PLEKHD1: variants seen among roughly 807,000 people sequenced by gnomAD.
The protein encoded by PLEKHD1 is pleckstrin homology domain-containing family D member 1.
PLEKHD1 carries 51 observed loss-of-function variants against 69.2 expected under a neutral mutation model. The ratio of observed to expected loss-of-function variants is 0.74; its 90% confidence interval spans 0.59 to 0.93. The LOEUF is 0.93. Among genes scored for constraint, PLEKHD1 ranks in the 40% least tolerant of loss-of-function variants. The pLI is 0.00. For missense variants in PLEKHD1, 584 were observed against 641.0 expected, an observed-to-expected ratio of 0.91 and a Z score of 0.96; for synonymous variants, 236 against 244.7, an observed-to-expected ratio of 0.96 and a Z score of 0.33.
At position 69,527,133 on chromosome 14, in the gene PLEKHD1, T is replaced by G. The variant is rs150171197; in HGVS notation, c.1057-55T>G. On this transcript the variant is annotated intron_variant, in intron 10 of 12. Coordinates refer to ENST00000322564, the MANE Select transcript of PLEKHD1 (RefSeq NM_001161498.2). ...GACCAAGGAAGGCTTCCAGGGAAGA[T>G]GGCAGCTACTTCCAGGACCTGACTT... 3.1e-5 allele frequency: 46 copies of G among 1,480,624 alleles called. No homozygotes were observed. The African/African-American group carries it at 6.2e-4, about 20-fold the overall frequency. 91.7% of individuals were successfully genotyped at this position (1,480,624 alleles called of 1,614,324 possible).
upstream of PLEKHD1, among the ~76,000 whole-genome samples, chr14:69,481,805 A>G (rs191585247): frequency 2.8e-4 from 43 of 152,278 alleles, no homozygotes; most frequent in Non-Finnish European, 1.5e-5. Flanking sequence ...TAGGGCACTT[A>G]GGGATCCTGA....
intron 1 of PLEKHD1, among the ~76,000 whole-genome samples, chr14:69,485,424 C>A (rs906565651): frequency 6.6e-6 from 1 of 152,196 alleles, no homozygotes; most frequent in African/African-American, 2.4e-5. Flanking sequence ...TCAGATCAGG[C>A]CAGACTGAGG....
chr14:69,507,660 T>A (rs1028232741), intron 6 of PLEKHD1, among the ~76,000 whole-genome samples: 31 of 152,270 alleles, frequency 2.0e-4, no homozygotes, highest in African/African-American at 7.0e-4. Context: ...CTCCACATCC[T>A]TGCCAGCATT....
At chr14:69,476,140 C>T in the PLEKHD1 span, among the ~76,000 whole-genome samples, 1 of 151,524 alleles carries the variant, frequency 6.6e-6, no homozygotes, top group Non-Finnish European at 1.5e-5. Flanking sequence ...TGCCTGTAAT[C>T]CCAACTATTC....
Position 69,528,332 on chromosome 14 carries a change from C to G in PLEKHD1, c.1434C>G (p.Ser478Arg). ...TAAAGGAGGTGGCCAAGCGGCTCAG[C>G]AGGGACCAGCGCTTCCGGGAATCCA... is the stretch of plus-strand genomic sequence containing the variant. ...EELKEVAKRL[S>R]RDQRFRESIY... is the part of the protein sequence containing the mutation. Residue 478 changes from serine to arginine, a missense_variant, in exon 13 of 13, where the codon AGC (serine) becomes AGG (arginine). Coordinates refer to ENST00000322564, the MANE Select transcript of PLEKHD1 (RefSeq NM_001161498.2). 2 of 1,551,740 alleles carry G rather than the reference C, an allele frequency of 1.3e-6. No individual in the cohort carries two copies. The highest frequency in any genetic ancestry group is 2.4e-5 in the East Asian group (1 of 40,922).
the PLEKHD1 span, among the ~76,000 whole-genome samples, chr14:69,470,980 G>A: frequency 2.9e-3 from 439 of 151,470 alleles, 3 homozygotes; most frequent in African/African-American, 0.01. Flanking sequence ...TTTAGTAGAG[G>A]CGGGGTTTCA....
intron 1 of PLEKHD1, among the ~76,000 whole-genome samples, chr14:69,489,398 A>G (rs1882723271): frequency 6.6e-6 from 1 of 151,926 alleles, no homozygotes. Flanking sequence ...GTCTCTACTA[A>G]AAATACAAAG....
chr14:69,491,877 A>T (rs1342935253), intron 1 of PLEKHD1, among the ~76,000 whole-genome samples: 1 of 152,218 alleles, frequency 6.6e-6, no homozygotes, highest in Non-Finnish European at 1.5e-5. Context: ...TCATCGTGTC[A>T]TCCCAGTTCC....
At chr14:69,473,710 T>A in the PLEKHD1 span, among the ~76,000 whole-genome samples, 1 of 152,066 alleles carries the variant, frequency 6.6e-6, no homozygotes, top group Non-Finnish European at 1.5e-5. Flanking sequence ...AATTGAGGAA[T>A]CCCGACAAAT....
At chr14:69,482,943 AAAAG>A (rs1352272410), upstream of PLEKHD1, among the ~76,000 whole-genome samples, 3 of 152,048 alleles carry the variant, frequency 2.0e-5, no homozygotes, top group Non-Finnish European at 2.9e-5. Context: ...AAAAAGAAAG[AAAAG>A]AAAAGCAGGG....
rs376537607 is a variant in PLEKHD1 at position 69,529,650 on chromosome 14, C to T, written c.*1231C>T. ...GCAGGGAGGCAGTGTTCCTGCTGGT[C>T]GAGAGATCACAGATATCTCCTTCCC... On this transcript the variant is annotated 3_prime_UTR_variant, in exon 13 of 13. Coordinates refer to ENST00000322564, the MANE Select transcript of PLEKHD1 (RefSeq NM_001161498.2). 4 of 152,136 alleles carry T rather than the reference C, an allele frequency of 2.6e-5. No individual in the cohort carries two copies. The highest frequency in any genetic ancestry group is 1.3e-4 in the Admixed American group (2 of 15,262). 9.4% of individuals were successfully genotyped at this position (152,136 alleles called of 1,614,324 possible). A position where few individuals can be genotyped will look rare whatever the true frequency, so the allele number is the denominator to read the frequency against.
intron 8 of PLEKHD1, 121 bp downstream of exon 8, chr14:69,524,443 G>A: frequency 1.2e-6 from 1 of 838,476 alleles, no homozygotes; most frequent in Non-Finnish European, 1.9e-6. Flanking sequence ...GGGCATGGAG[G>A]GGTGCTGATC....
At chr14:69,472,867 G>A in the PLEKHD1 span, among the ~76,000 whole-genome samples, 1 of 152,306 alleles carries the variant, frequency 6.6e-6, no homozygotes, top group South Asian at 2.1e-4. Flanking sequence ...TGAGCGGCAG[G>A]TGAAGAAGCA....
intron 5 of PLEKHD1, 59 bp from the exon 6 acceptor site, chr14:69,502,768 G>A (rs1883058557): frequency 1.3e-6 from 2 of 1,548,150 alleles, no homozygotes; most frequent in Non-Finnish European, 1.7e-6. Context: ...GCTCCCTCAG[G>A]ACCTCAGAGC....
upstream of PLEKHD1, chr14:69,484,658 C>CG (rs999625085): frequency 1.1e-4 from 31 of 269,594 alleles, no homozygotes; most frequent in East Asian, 1.5e-3. Context: ...GGGCTGTCGC[C>CG]GGGGGGGTGG....
chr14:69,498,117 C>T (rs910311930), intron 1 of PLEKHD1, among the ~76,000 whole-genome samples: 3 of 107,746 alleles, frequency 2.8e-5, no homozygotes, highest in Admixed American at 9.2e-5. Context: ...GAGAGTCTTG[C>T]TCTGTCACTC....
chr14:69,486,512 C>T (rs1882658539), intron 1 of PLEKHD1, among the ~76,000 whole-genome samples: 1 of 152,154 alleles, frequency 6.6e-6, no homozygotes, highest in Non-Finnish European at 1.5e-5. Flanking sequence ...GCTACAGCCC[C>T]CAGGGCCAGG....
chr14:69,504,365 C>A (rs114941956), intron 6 of PLEKHD1, among the ~76,000 whole-genome samples: 1 of 152,180 alleles, frequency 6.6e-6, no homozygotes, highest in Non-Finnish European at 1.5e-5. Flanking sequence ...CAGGGGCTAT[C>A]AGCCTTGGCT....
Position 69,526,083 on chromosome 14 carries a change from T to C in PLEKHD1, c.884T>C (p.Met295Thr). ...AACCTCCGGCAGATCGAGGAGAAGA[T>C]GCAGCAGCTCTTAGAGGAGAAGCTC... ...HSNLRQIEEKMQQLLEEKLLA... is the reference protein window; with the variant it reads ...HSNLRQIEEKTQQLLEEKLLA... Residue 295 changes from methionine (M) to threonine (T), a missense_variant, in exon 9 of 13, where the codon ATG becomes ACG. Met to Thr is a moderately conservative substitution (Grantham distance 81). Transcript: ENST00000322564. The C allele has an allele frequency of 6.4e-7, 1 of 1,551,596 alleles. No individual in the cohort carries two copies. Among genetic ancestry groups the C allele is most frequent in the South Asian group, 1.2e-5 (1 of 84,028 alleles).
Sources: allele counts gnomAD v4.1 joint callset (sites outside exome capture counted in the v4.1 genomes callset), GRCh38; gene constraint gnomAD v4.1.1; transcripts MANE v1.5; gene names NCBI Gene and HGNC (gene_info 2026-07-23, HGNC 2026-07-21).